MATN2: variants seen among roughly 807,000 people sequenced by gnomAD.
The protein encoded by MATN2 is matrilin 2.
MATN2 carries 69 observed loss-of-function variants against 103.2 expected under a neutral mutation model. The ratio of observed to expected loss-of-function variants is 0.67; its 90% confidence interval spans 0.55 to 0.82. The LOEUF is 0.82. Among genes scored for constraint, MATN2 ranks in the 40% least tolerant of loss-of-function variants. MATN2 has a pLI of 0.00. For missense variants in MATN2, 1,023 were observed against 1,211.5 expected, an observed-to-expected ratio of 0.84 and a Z score of 2.31; for synonymous variants, 429 against 450.2, an observed-to-expected ratio of 0.95 and a Z score of 0.60.
intron 2 of MATN2, among the ~76,000 whole-genome samples, chr8:97,929,087 A>C (rs1277417647): frequency 6.6e-6 from 1 of 152,074 alleles, no homozygotes; most frequent in South Asian, 2.1e-4. Flanking sequence ...CCTCAGGGTT[A>C]TGCATGGGTA....
In MATN2 at chr8:97,997,653, A is replaced by G. The variant is rs542076814; in HGVS notation, c.1204+3051A>G. On this transcript the variant is annotated intron_variant, in intron 7 of 18. Coordinates refer to ENST00000254898, the MANE Select transcript of MATN2 (RefSeq NM_002380.5). ...GCCATGTCAGAGCACCTATCATGGTACCAGATATAGGATGCACAGTAGGTC... is the reference window on the plus strand; with the variant it reads ...GCCATGTCAGAGCACCTATCATGGTGCCAGATATAGGATGCACAGTAGGTC... 2.0e-5 allele frequency among the ~76,000 whole-genome samples: 3 copies of G among 152,282 alleles called. No homozygotes were observed. The South Asian group carries it at 6.2e-4, about 32-fold the overall frequency.
intron 2 of MATN2, among the ~76,000 whole-genome samples, chr8:97,912,652 G>A (rs944740227): frequency 2.6e-5 from 4 of 152,178 alleles, no homozygotes; most frequent in Non-Finnish European, 5.9e-5. Context: ...GAGACGTAGG[G>A]GTGGGGAGGA....
intron 1 of MATN2, among the ~76,000 whole-genome samples, chr8:97,873,942 T>C (rs1817982326): frequency 6.6e-6 from 1 of 152,142 alleles, no homozygotes. Flanking sequence ...ACCCTCAACT[T>C]TGGCCCTTAG....
intron 1 of MATN2, among the ~76,000 whole-genome samples, chr8:97,886,529 G>T (rs1480434426): frequency 6.6e-6 from 1 of 152,154 alleles, no homozygotes; most frequent in South Asian, 2.1e-4. Context: ...CCAGTGCCTG[G>T]CACATAGGAG....
intron 1 of MATN2, among the ~76,000 whole-genome samples, chr8:97,879,343 G>T (rs1818177730): frequency 6.6e-6 from 1 of 152,210 alleles, no homozygotes; most frequent in Non-Finnish European, 1.5e-5. Flanking sequence ...GGAGGCTGGG[G>T]TGGATGTGGG....
In MATN2 at chr8:97,910,216, C is replaced by G. The variant is rs530014825; in HGVS notation, c.143-20737C>G. ...AGCTGGGACTACAGGGGCGTGCCAC[C>G]ACACCTGGCTAATTTTTGTATTTTT... is the stretch of plus-strand genomic sequence containing the variant. On this transcript the variant is annotated intron_variant, in intron 2 of 18. Transcript: ENST00000254898. 5.3e-4 allele frequency among the ~76,000 whole-genome samples: 81 copies of G among 152,152 alleles called. 3 individuals carry two copies. The South Asian group carries it at 0.017, about 31-fold the overall frequency.
intron 3 of MATN2, among the ~76,000 whole-genome samples, chr8:97,933,703 C>T (rs1237944187): frequency 3.9e-5 from 6 of 152,022 alleles, no homozygotes; most frequent in Middle Eastern, 3.2e-3. Context: ...AGCGTTATCC[C>T]GCTTGTTCCT....
intron 6 of MATN2, among the ~76,000 whole-genome samples, chr8:97,984,939 G>A (rs1427323246): frequency 6.6e-6 from 1 of 152,162 alleles, no homozygotes; most frequent in East Asian, 1.9e-4. Context: ...AGTGAGAGAA[G>A]GAGGAAACCT....
intron 13 of MATN2, among the ~76,000 whole-genome samples, chr8:98,024,373 C>T (rs994091710): frequency 3.0e-4 from 45 of 151,996 alleles, no homozygotes; most frequent in African/African-American, 9.7e-4. Flanking sequence ...GGTATGGTAG[C>T]GTGTGCCTGT....
At chr8:97,905,248 T>C (rs767770442) in intron 2 of MATN2, among the ~76,000 whole-genome samples, 31 of 152,224 alleles carry the variant, frequency 2.0e-4, no homozygotes, top group Non-Finnish European at 4.3e-4. Context: ...TAAGATAAAA[T>C]TGACTATTTT....
intron 10 of MATN2, among the ~76,000 whole-genome samples, chr8:98,014,051 T>G (rs1042287207): frequency 7.9e-5 from 12 of 151,910 alleles, no homozygotes; most frequent in Middle Eastern, 3.2e-3. Flanking sequence ...AAGGCTGCAG[T>G]GAACTGCGAT....
At chr8:97,885,178 G>C (rs942962843) in intron 1 of MATN2, among the ~76,000 whole-genome samples, 1 of 152,170 alleles carries the variant, frequency 6.6e-6, no homozygotes, top group Non-Finnish European at 1.5e-5. Context: ...CATATGCCTC[G>C]GAGTGGAAGT....
intron 4 of MATN2, among the ~76,000 whole-genome samples, chr8:97,960,145 C>G (rs370386326): frequency 6.6e-6 from 1 of 152,084 alleles, no homozygotes; most frequent in East Asian, 1.9e-4. Flanking sequence ...TTAGTAGAGA[C>G]GGGGTTTCAC....
At chr8:97,985,753 A>G (rs1812170091) in intron 6 of MATN2, among the ~76,000 whole-genome samples, 1 of 152,176 alleles carries the variant, frequency 6.6e-6, no homozygotes, top group Non-Finnish European at 1.5e-5. Context: ...TTGCTTTTTG[A>G]GATGGGTTTC....
At chr8:98,010,136 G>A (rs1457967910) in intron 10 of MATN2, among the ~76,000 whole-genome samples, 1 of 151,994 alleles carries the variant, frequency 6.6e-6, no homozygotes, top group Non-Finnish European at 1.5e-5. Context: ...CCCTGAAGCC[G>A]CCTCCTGTTC....
At chr8:97,994,671 G>C in intron 7 of MATN2, 69 bp downstream of exon 7, 1 of 1,512,168 alleles carries the variant, frequency 6.6e-7, no homozygotes, top group Non-Finnish European at 8.9e-7. Flanking sequence ...TTTCCTTTCC[G>C]TGCAAATCTT....
intron 4 of MATN2, among the ~76,000 whole-genome samples, chr8:97,948,581 CA>C (rs1810828899): frequency 6.6e-6 from 1 of 152,172 alleles, no homozygotes; most frequent in Non-Finnish European, 1.5e-5. Flanking sequence ...AGTGGGAAGG[CA>C]ATCCAATGAG....
intron 2 of MATN2, among the ~76,000 whole-genome samples, chr8:97,891,919 T>C (rs1348247621): frequency 6.6e-6 from 1 of 151,768 alleles, no homozygotes; most frequent in Non-Finnish European, 1.5e-5. Flanking sequence ...CTGGGCAACA[T>C]AGGGATACCT....
At chr8:97,941,721 A>G in intron 3 of MATN2, 56 bp from the exon 4 acceptor site, 1 of 1,537,912 alleles carries the variant, frequency 6.5e-7, no homozygotes, top group East Asian at 2.5e-5. Context: ...TGCTGGCTGG[A>G]ATGGAGTGAG....
Sources: gnomAD v4.1 joint callset for allele counts (sites outside exome capture counted in the v4.1 genomes callset) on GRCh38, gnomAD v4.1.1 for gene constraint, MANE v1.5 for transcripts, NCBI Gene and HGNC (gene_info 2026-07-23, HGNC 2026-07-21) for gene names.